Variants in DNAH7 observed in about 807,000 individuals in gnomAD.
DNAH7 encodes the protein axonemal beta dynein heavy chain 7.
A neutral mutation model predicts 444.6 loss-of-function variants in DNAH7; 397 were observed. The observed-to-expected ratio is 0.89, with a 90% CI of 0.82 to 0.97. DNAH7 has a LOEUF of 0.97. Ranked by LOEUF, DNAH7 falls within the 50% of genes least tolerant of loss-of-function variation. The pLI is 0.00. For missense variants in DNAH7, 4,902 were observed against 4,800.8 expected (o/e 1.02, Z -0.62); for synonymous variants, 1,636 against 1,624.4 (o/e 1.01, Z -0.17).
intron 1 of DNAH7, among the ~76,000 whole-genome samples, chr2:196,064,293 G>C (rs1485893419): frequency 2.0e-5 from 3 of 151,182 alleles, no homozygotes; most frequent in African/African-American, 7.3e-5. Context: ...TCCAGCCTAG[G>C]TGACAGAGTG....
intron 34 of DNAH7, 42 bp downstream of exon 34, chr2:195,886,099 C>G: frequency 6.3e-7 from 1 of 1,583,624 alleles, no homozygotes; most frequent in Admixed American, 1.8e-5. Flanking sequence ...GCAGTAGATA[C>G]CTGTCTTTCT....
At chr2:196,047,707 T>C (rs563501958) in intron 4 of DNAH7, among the ~76,000 whole-genome samples, 114 of 151,872 alleles carry the variant, frequency 7.5e-4, no homozygotes, top group African/African-American at 2.7e-3. Context: ...ATTTCAAGAA[T>C]ATTCCACTGA....
At position 195,873,591 on chromosome 2, in the gene DNAH7, G is replaced by T; in HGVS notation, c.6390C>A (p.Ile2130=). Residue 2130 remains isoleucine (I), a synonymous_variant, in exon 39 of 65, where the codon ATC becomes ATA. Transcript: ENST00000312428. ...ACCAGATTTCTAAATGCCAAGTTAAGATTCTAGAGAAGATTGTATACATGG... is the reference window on the plus strand; with the variant it reads ...ACCAGATTTCTAAATGCCAAGTTAATATTCTAGAGAAGATTGTATACATGG... ...DKSMYTIFSR[I]LTWHLEICYK... is the part of the protein sequence containing the mutation. 2 of 1,409,838 alleles carry T rather than the reference G, an allele frequency of 1.4e-6. No individual in the cohort carries two copies. The highest frequency in any genetic ancestry group is 2.7e-5 in the East Asian group (1 of 37,204). 87.3% of individuals were successfully genotyped at this position (1,409,838 alleles called of 1,614,324 possible).
At chr2:195,796,498 G>A in intron 56 of DNAH7, 78 bp downstream of exon 56, 1 of 1,498,030 alleles carries the variant, frequency 6.7e-7, no homozygotes, top group South Asian at 1.3e-5. Flanking sequence ...AGAGGGGAAT[G>A]GAGCTACCCG....
At chr2:195,968,882 C>A (rs1393009052) in intron 17 of DNAH7, among the ~76,000 whole-genome samples, 2 of 152,224 alleles carry the variant, frequency 1.3e-5, no homozygotes, top group Non-Finnish European at 2.9e-5. Flanking sequence ...GAGGTCAGAA[C>A]AGTTTTGCTT....
chr2:196,009,371 A>C (rs1694585625), intron 10 of DNAH7, among the ~76,000 whole-genome samples: 1 of 152,214 alleles, frequency 6.6e-6, no homozygotes, highest in Non-Finnish European at 1.5e-5. Flanking sequence ...ATAAAAAAAG[A>C]ATAGCAATAC....
intron 27 of DNAH7, chr2:195,901,787 GA>G (rs1428140511): frequency 1.3e-5 from 2 of 152,020 alleles, no homozygotes; most frequent in African/African-American, 2.4e-5. Context: ...AAGAAAACCG[GA>G]AATAAGTAAT....
At chr2:196,001,529 T>C (rs935252523) in intron 11 of DNAH7, 146 bp downstream of exon 11, 12 of 705,722 alleles carry the variant, frequency 1.7e-5, no homozygotes, top group Non-Finnish European at 2.5e-5. Context: ...CATGCCTGGC[T>C]GACAATTTTT....
intron 10 of DNAH7, among the ~76,000 whole-genome samples, chr2:196,010,312 G>A (rs780385385): frequency 6.6e-6 from 1 of 151,972 alleles, no homozygotes; most frequent in African/African-American, 2.4e-5. Flanking sequence ...ACCACACCCT[G>A]CTAATTTTTG....
chr2:195,976,747 C>CAGAGAGAGACAGAGAGGCAGACAG (rs1692216449), intron 15 of DNAH7, among the ~76,000 whole-genome samples: 1 of 90,542 alleles, frequency 1.1e-5, no homozygotes, highest in Admixed American at 1.2e-4. Flanking sequence ...GAGAGGCAGA[C>CAGAGAGAGACAGAGAGGCAGACAG]AGAGAGAGAG....
At chr2:195,814,766 G>T (rs1484084284) in intron 51 of DNAH7, among the ~76,000 whole-genome samples, 1 of 151,950 alleles carries the variant, frequency 6.6e-6, no homozygotes, top group Non-Finnish European at 1.5e-5. Context: ...TGGAGATGGG[G>T]TCTCACTCCC....
At chr2:195,794,774 A>G (rs1460850264) in intron 56 of DNAH7, among the ~76,000 whole-genome samples, 1 of 152,230 alleles carries the variant, frequency 6.6e-6, no homozygotes, top group African/African-American at 2.4e-5. Context: ...TCATATGATT[A>G]TAAAGTTTAC....
In DNAH7 at chr2:195,963,798, T is replaced by C. The variant is rs753266399; in HGVS notation, c.2206-2853A>G. On this transcript the variant is annotated intron_variant, in intron 17 of 64. Transcript: ENST00000312428. ...ATTTGATTTTTTATATGGTGAGAGA[T>C]AGGGGTCTAGCTTCATTCTTCTGTA... Among the ~76,000 whole-genome samples the C allele has an allele frequency of 4.3e-4, 65 of 152,194 alleles. 1 individual carries two copies. Among genetic ancestry groups the C allele is most frequent in the African/African-American group, 1.5e-3 (64 of 41,454 alleles).
rs779599522 is a variant in DNAH7, at chr2:195,855,904, C to T, written c.8502G>A (p.Lys2834=). ...LKIAMDGLRK[K]QAALKEVQDK... ...CCTGAACTTCCTTAAGGGCTGCCTG[C>T]TTCTTTCTAAGACCATCCATGGCAA... The change falls in exon 45 of 65, where the codon AAG becomes AAA. Residue 2834 remains lysine (K), a synonymous_variant. Coordinates refer to ENST00000312428, the MANE Select transcript of DNAH7 (RefSeq NM_018897.3). 2 of 1,614,110 alleles carry T rather than the reference C, an allele frequency of 1.2e-6. No individual in the cohort carries two copies. The highest frequency in any genetic ancestry group is 1.7e-6 in the Non-Finnish European group (2 of 1,179,986).
chr2:195,790,121 G>C (rs955812085), intron 57 of DNAH7, among the ~76,000 whole-genome samples: 1 of 151,968 alleles, frequency 6.6e-6, no homozygotes, highest in Non-Finnish European at 1.5e-5. Flanking sequence ...ATTTAACTAA[G>C]GGCTGAAAAA....
intron 20 of DNAH7, among the ~76,000 whole-genome samples, chr2:195,936,254 A>G (rs1250827323): frequency 1.3e-5 from 2 of 152,260 alleles, no homozygotes; most frequent in East Asian, 3.9e-4. Flanking sequence ...CACGCCTGTA[A>G]TCCCAGCTAC....
chr2:195,918,471 A>C (rs1687821542), intron 24 of DNAH7, among the ~76,000 whole-genome samples: 1 of 152,274 alleles, frequency 6.6e-6, no homozygotes, highest in African/African-American at 2.4e-5. Context: ...AACCTGCACA[A>C]GAATATTTGC....
At chr2:195,923,165 T>C (rs7563256) in intron 23 of DNAH7, among the ~76,000 whole-genome samples, 5,190 of 152,166 alleles carry the variant, frequency 0.034, 266 homozygotes, top group African/African-American at 0.12. Flanking sequence ...TGCCCAGCAA[T>C]GAGAGGAAAC....
In DNAH7 at chr2:195,875,655, C is replaced by A; in HGVS notation, c.6286+20G>T. The A allele has an allele frequency of 6.5e-7, 1 of 1,538,782 alleles. No homozygotes were observed. The highest frequency in any genetic ancestry group is 1.3e-5 in the South Asian group (1 of 78,906). ...AGGGAGATTTTTCCATCTTAGTAAT[C>A]ACAAACTCAAAAAATGTACCTGGAG... On this transcript the variant is annotated intron_variant, in intron 38 of 64. Transcript: ENST00000312428.
Sources: allele counts gnomAD v4.1 joint callset (sites outside exome capture counted in the v4.1 genomes callset), GRCh38; gene constraint gnomAD v4.1.1; transcripts MANE v1.5; gene names NCBI Gene and HGNC (gene_info 2026-07-23, HGNC 2026-07-21).